The following CYTH1 variants were observed in gnomAD, a reference collection of about 807,000 sequenced individuals.
CYTH1 encodes cytohesin-1.
CYTH1 carries 18 observed loss-of-function variants against 61.8 expected under a neutral mutation model. The observed-to-expected ratio is 0.29, with a 90% CI of 0.20 to 0.43. The LOEUF (loss-of-function observed/expected upper bound fraction) is 0.43. CYTH1 is among the 20% of genes least tolerant of loss of function. The probability of loss-of-function intolerance (pLI) is 1.00; values close to 1 mark genes in which losing one functional copy is unlikely to be tolerated. For synonymous variants in CYTH1, 174 were observed against 184.3 expected, an observed-to-expected ratio of 0.94 and a Z score of 0.45; for missense variants, 336 against 510.5, an observed-to-expected ratio of 0.66 and a Z score of 3.29.
In CYTH1 at chr17:78,760,593, A is replaced by ATG. The variant is rs554349257; in HGVS notation, c.22+21607_22+21608dup. Among the ~76,000 whole-genome samples, 43 of 132,332 alleles carry ATG rather than the reference A, an allele frequency of 3.2e-4. 1 individual carries two copies. Among genetic ancestry groups the ATG allele is most frequent in the African/African-American group, 8.7e-4 (31 of 35,436 alleles). The allele number at this position is 132,332 out of a possible 152,430, so 86.8% of individuals were successfully genotyped here. ...TACACATACATATATATGTATATAT[A>ATG]TGTATATATATAGTTTAAAAGAAAG... On this transcript the variant is annotated intron_variant, in intron 1 of 13. Transcript: ENST00000446868.
At position 78,698,914 on chromosome 17, in the gene CYTH1, T is replaced by C; in HGVS notation, c.605A>G (p.Asn202Ser). The C allele has an allele frequency of 6.2e-7, 1 of 1,611,906 alleles. No homozygotes were observed. Among genetic ancestry groups the C allele is most frequent in the Non-Finnish European group, 8.5e-7 (1 of 1,179,224 alleles). ...AIIMLNTSLHNPNVKDKPTVE... is the reference protein window; with the variant it reads ...AIIMLNTSLHSPNVKDKPTVE... ...AGTGGGCTTATCTTTGACATTGGGG[T>C]TGTGCAGACTGGTGTTCAACATGAT... is the stretch of plus-strand genomic sequence containing the variant. Residue 202 changes from asparagine to serine, a missense_variant, in exon 8 of 14, where the codon AAC becomes AGC. Asn to Ser is a conservative substitution (Grantham distance 46). Coordinates refer to ENST00000446868, the MANE Select transcript of CYTH1 (RefSeq NM_004762.6).
At chr17:78,781,044 A>T (rs1254482674) in intron 1 of CYTH1, among the ~76,000 whole-genome samples, 1 of 151,430 alleles carries the variant, frequency 6.6e-6, no homozygotes, top group Non-Finnish European at 1.5e-5. Flanking sequence ...ATAATAAAAT[A>T]AAATAAAATA....
rs1256738831 is a variant in CYTH1, at chr17:78,676,107, G to A, written c.1181C>T (p.Ser394Phe). The A allele has an allele frequency of 6.2e-7, 1 of 1,610,290 alleles. No homozygotes were observed. The highest frequency in any genetic ancestry group is 1.1e-5 in the South Asian group (1 of 89,830). ...GCTGCACGCTCAGTGTCGCTTCGTG[G>A]AGGAGACCTTCTTTTTCCGTGCTGC... is the stretch of plus-strand genomic sequence containing the variant. Reference protein sequence around the residue: ...MLAARKKKVSSTKRH With the variant: ...MLAARKKKVSFTKRH Residue 394 changes from serine to phenylalanine, a missense_variant, in exon 14 of 14, where the codon TCC becomes TTC. By Grantham distance (155) the Ser-to-Phe change is radical. Transcript: ENST00000446868.
rs2092973080 is a variant in CYTH1, at chr17:78,698,691, C to T, written c.699+129G>A. The stretch of plus-strand genomic sequence containing the variant: ...ACTACCACTTTCTTAATGAAATTCA[C>T]ATGGTTAAACAAATTAAAAGAGGAG... On this transcript the variant is annotated intron_variant, in intron 8 of 13. Transcript: ENST00000446868. 7.7e-6 allele frequency: 9 copies of T among 1,166,922 alleles called. No homozygotes were observed. The East Asian group carries it at 2.1e-4, about 27-fold the overall frequency. The allele number at this position is 1,166,922 out of a possible 1,614,324, so 72.3% of individuals were successfully genotyped here.
chr17:78,683,707 C>T (rs969751107), intron 11 of CYTH1, among the ~76,000 whole-genome samples: 3 of 152,222 alleles, frequency 2.0e-5, no homozygotes, highest in Non-Finnish European at 2.9e-5. Flanking sequence ...CTCCTGTGAG[C>T]GAGCACTCAG....
intron 11 of CYTH1, among the ~76,000 whole-genome samples, chr17:78,683,797 C>T (rs1298128753): frequency 1.3e-5 from 2 of 152,220 alleles, no homozygotes; most frequent in South Asian, 2.1e-4. Context: ...AAACAGTTCT[C>T]AGCCAATTCT....
intron 1 of CYTH1, among the ~76,000 whole-genome samples, chr17:78,731,106 CAT>C (rs2093291881): frequency 6.6e-6 from 1 of 152,104 alleles, no homozygotes; most frequent in Non-Finnish European, 1.5e-5. Flanking sequence ...CAACGCATCA[CAT>C]AGTCAGGAGA....
At chr17:78,680,469 C>A (rs1337228712) in intron 12 of CYTH1, 125 bp from the exon 13 acceptor site, 1 of 1,157,346 alleles carries the variant, frequency 8.6e-7, no homozygotes, top group East Asian at 2.6e-5. Context: ...TACATATTTT[C>A]CTGTGGAAAA....
intron 1 of CYTH1, among the ~76,000 whole-genome samples, chr17:78,777,956 C>CAA (rs1220574422): frequency 1.3e-5 from 2 of 152,046 alleles, no homozygotes; most frequent in African/African-American, 4.8e-5. Context: ...GAAAACAGCG[C>CAA]ACACACAAAG....
intron 1 of CYTH1, among the ~76,000 whole-genome samples, chr17:78,738,100 TTTAA>T (rs2093328396): frequency 1.3e-5 from 2 of 152,210 alleles, no homozygotes; most frequent in Admixed American, 6.5e-5. Flanking sequence ...GGCACATCTC[TTTAA>T]TTATCTCCAT....
chr17:78,749,606 G>A (rs2093371943), intron 1 of CYTH1, among the ~76,000 whole-genome samples: 1 of 151,406 alleles, frequency 6.6e-6, no homozygotes, highest in Non-Finnish European at 1.5e-5. Flanking sequence ...TTCCAGCCTG[G>A]GTGACAAATT....
At chr17:78,775,293 G>A (rs1382789229) in intron 1 of CYTH1, among the ~76,000 whole-genome samples, 1 of 152,230 alleles carries the variant, frequency 6.6e-6, no homozygotes, top group Non-Finnish European at 1.5e-5. Flanking sequence ...AATTAAGAGT[G>A]ATCTTGAAAG....
chr17:78,760,212 T>C (rs1213879415), intron 1 of CYTH1, among the ~76,000 whole-genome samples: 1 of 151,318 alleles, frequency 6.6e-6, no homozygotes, highest in African/African-American at 2.4e-5. Flanking sequence ...GCTACCACAA[T>C]TGCAAAAGGT....
chr17:78,749,506 C>CTG (rs1305222024), intron 1 of CYTH1, among the ~76,000 whole-genome samples: 1 of 151,960 alleles, frequency 6.6e-6, no homozygotes, highest in Admixed American at 6.6e-5. Flanking sequence ...GTGGGTGTGC[C>CTG]TGTGGTCCCA....
chr17:78,718,218 T>TATACACAC (rs1359085254), intron 1 of CYTH1, among the ~76,000 whole-genome samples: 2 of 128,336 alleles, frequency 1.6e-5, no homozygotes, highest in African/African-American at 6.2e-5. Flanking sequence ...AAACACTGAA[T>TATACACAC]ACACACACAC....
intron 10 of CYTH1, among the ~76,000 whole-genome samples, chr17:78,693,985 T>C (rs1002211783): frequency 6.6e-6 from 1 of 152,248 alleles, no homozygotes; most frequent in East Asian, 1.9e-4. Context: ...CCGATCATGC[T>C]TTCTCTCTTG....
intron 13 of CYTH1, 93 bp from the exon 14 acceptor site, chr17:78,676,262 C>A: frequency 8.0e-7 from 1 of 1,243,652 alleles, no homozygotes; most frequent in Non-Finnish European, 1.1e-6. Flanking sequence ...CCCTCGTGCC[C>A]CAGAACACCT....
intron 1 of CYTH1, among the ~76,000 whole-genome samples, chr17:78,772,040 C>G (rs886980991): frequency 6.6e-6 from 1 of 152,146 alleles, no homozygotes; most frequent in African/African-American, 2.4e-5. Context: ...AAATAATTTT[C>G]CACCTCCTCC....
chr17:78,760,441 ATG>A (rs1447271385), intron 1 of CYTH1, among the ~76,000 whole-genome samples: 6 of 55,676 alleles, frequency 1.1e-4, no homozygotes, highest in African/African-American at 2.3e-4. Context: ...ACATATATAT[ATG>A]TATATATATA....
Sources: gnomAD v4.1 joint callset for allele counts (sites outside exome capture counted in the v4.1 genomes callset) on GRCh38, gnomAD v4.1.1 for gene constraint, MANE v1.5 for transcripts, NCBI Gene and HGNC (gene_info 2026-07-23, HGNC 2026-07-21) for gene names.